The following WBP11 variants were observed in gnomAD, a reference collection of about 807,000 sequenced individuals.
WBP11 encodes WW domain-binding protein 11.
A neutral mutation model predicts 66.7 loss-of-function variants in WBP11; 12 were observed. The ratio of observed to expected loss-of-function variants is 0.18; its 90% confidence interval spans 0.12 to 0.29. The LOEUF is 0.29. Among genes scored for constraint, WBP11 ranks in the 10% least tolerant of loss-of-function variants. The pLI is 1.00. For synonymous variants in WBP11, 255 were observed against 273.8 expected (o/e 0.93, Z 0.68); for missense variants, 555 against 818.3 (o/e 0.68, Z 3.93).
intron 3 of WBP11, 82 bp from the exon 4 acceptor site, chr12:14,799,810 ATAAC>A (rs969707172): frequency 1.1e-5 from 14 of 1,321,582 alleles, no homozygotes; most frequent in Admixed American, 4.6e-5. Flanking sequence ...TCTAAACAGA[ATAAC>A]TCCTTGGCTT....
In WBP11 at chr12:14,794,629, TGAG is replaced by T; in HGVS notation, c.626_628del (p.Pro209del). On this transcript the variant is annotated inframe_deletion, in exon 7 of 12. Coordinates refer to ENST00000261167, the MANE Select transcript of WBP11 (RefSeq NM_016312.3). ...TTTACGGCCATACATCTGCACGACT[TGAG>T]GAGGAGGTGGACCAGGGGGAGGGCC... 3 of 1,613,838 alleles carry T rather than the reference TGAG, an allele frequency of 1.9e-6. No homozygotes were observed. The highest frequency in any genetic ancestry group is 2.2e-5 in the East Asian group (1 of 44,866).
intron 8 of WBP11, among the ~76,000 whole-genome samples, chr12:14,791,968 T>C (rs955020011): frequency 7.2e-5 from 11 of 151,942 alleles, no homozygotes; most frequent in African/African-American, 2.7e-4. Flanking sequence ...ACAATGGACT[T>C]TGGGGACTCA....
Position 14,784,784 on chromosome 12 carries a change from A to T in WBP11, c.*2281T>A. 6.6e-6 allele frequency: 1 copy of T among 152,304 alleles called. No homozygotes were observed. Among genetic ancestry groups the T allele is most frequent in the South Asian group, 2.1e-4 (1 of 4,826 alleles). 9.4% of individuals were successfully genotyped at this position (152,304 alleles called of 1,614,324 possible). A position where few individuals can be genotyped will look rare whatever the true frequency, so the allele number is the denominator to read the frequency against. Reference sequence around the variant, plus strand: ...AGGAAATAGTAACAAGTCTATCCATATACATGATTAAAGATTTCTATCATT... The same window carrying T: ...AGGAAATAGTAACAAGTCTATCCATTTACATGATTAAAGATTTCTATCATT... On this transcript the variant is annotated 3_prime_UTR_variant, in exon 12 of 12. Coordinates refer to ENST00000261167, the MANE Select transcript of WBP11 (RefSeq NM_016312.3).
Position 14,789,071 on chromosome 12 carries a change from A to G in WBP11, c.1372T>C (p.Leu458=). 11 of 1,517,426 alleles carry G rather than the reference A, an allele frequency of 7.2e-6. No homozygotes were observed. The highest frequency in any genetic ancestry group is 8.7e-6 in the Non-Finnish European group (10 of 1,146,390). 94.0% of individuals were successfully genotyped at this position (1,517,426 alleles called of 1,614,324 possible). A position where few individuals can be genotyped will look rare whatever the true frequency, so the allele number is the denominator to read the frequency against. Residue 458 remains leucine, a synonymous_variant, in exon 11 of 12, where the codon TTA becomes CTA. Transcript: ENST00000261167. ...CGGCCTGGTGGTGGTCCTGGAGGTA[A>G]AAGTCGGGGTAAGGGCCCTCGGAGT... ...PGLRGPLPRL[L]PPGPPPGRPP... is the part of the protein sequence containing the mutation.
chr12:14,800,839 T>G lies in WBP11; in HGVS notation c.65-56A>C, dbSNP rs1401151231. ...ATCTTTGAATCTTGAACATTAGCAT[T>G]TCCTCCAATTTAATACAGGTAATTC... is the stretch of plus-strand genomic sequence containing the variant. On this transcript the variant is annotated intron_variant, in intron 2 of 11. Transcript: ENST00000261167. 33 of 1,431,394 alleles carry G rather than the reference T, an allele frequency of 2.3e-5. 1 individual carries two copies. The South Asian group carries it at 3.7e-4, about 16-fold the overall frequency. 88.7% of individuals were successfully genotyped at this position (1,431,394 alleles called of 1,614,324 possible). A position where few individuals can be genotyped will look rare whatever the true frequency, so the allele number is the denominator to read the frequency against.
chr12:14,789,283 T>G, intron 10 of WBP11, 150 bp from the exon 11 acceptor site: 1 of 789,386 alleles, frequency 1.3e-6, no homozygotes, highest in East Asian at 3.3e-5. Flanking sequence ...ACAGAATTCA[T>G]TCAATAAATA....
In WBP11 at chr12:14,784,986, T is replaced by G. The variant is rs1364401597; in HGVS notation, c.*2079A>C. ...ATACTAGCAATATAAGGAAATGCCT[T>G]TATGATAAACTATCAACAGCTTTCT... is the stretch of plus-strand genomic sequence containing the variant. On this transcript the variant is annotated 3_prime_UTR_variant, in exon 12 of 12. Coordinates refer to ENST00000261167, the MANE Select transcript of WBP11 (RefSeq NM_016312.3). 6.6e-6 allele frequency: 1 copy of G among 152,232 alleles called. No homozygotes were observed. Among genetic ancestry groups the G allele is most frequent in the African/African-American group, 2.4e-5 (1 of 41,454 alleles). 9.4% of individuals were successfully genotyped at this position (152,232 alleles called of 1,614,324 possible).
chr12:14,801,551 C>T, intron 1 of WBP11, 123 bp from the exon 2 acceptor site: 1 of 592,468 alleles, frequency 1.7e-6, no homozygotes, highest in Non-Finnish European at 2.9e-6. Context: ...CTGTTCTTTC[C>T]TTAGTTTTGA....
chr12:14,787,056 C>T lies in WBP11; in HGVS notation c.*9G>A, dbSNP rs776277020. 1 of 1,606,346 alleles carries T rather than the reference C, an allele frequency of 6.2e-7. No homozygotes were observed. The highest frequency in any genetic ancestry group is 1.7e-5 in the Admixed American group (1 of 59,694). ...TGTGAACAGAAGCCTTTTCTGGCAT[C>T]AAAAGCTGTCACAGTAGCCCTTCCA... On this transcript the variant is annotated 3_prime_UTR_variant, in exon 12 of 12. Transcript: ENST00000261167.
intron 8 of WBP11, 102 bp from the exon 9 acceptor site, chr12:14,791,372 T>TAC (rs1161123914): frequency 2.3e-6 from 2 of 860,968 alleles, no homozygotes; most frequent in African/African-American, 3.4e-5. Flanking sequence ...TGCTACCCAC[T>TAC]ACTTGGCAGA....
rs1949853898 is a variant in WBP11 at position 14,793,844 on chromosome 12, T to C, written c.800A>G (p.His267Arg). ...GYPEDMDQDK[H>R]DDSTDDSDTD... Reference sequence around the variant, plus strand: ...GTCACTGTCATCAGTACTGTCATCATGCTTATCTTGATCCATGTCCTCAGG... The same window carrying C: ...GTCACTGTCATCAGTACTGTCATCACGCTTATCTTGATCCATGTCCTCAGG... The change falls in exon 8 of 12, where the codon CAT becomes CGT. Residue 267 changes from histidine (H) to arginine (R), a missense_variant. Coordinates refer to ENST00000261167, the MANE Select transcript of WBP11 (RefSeq NM_016312.3). 6.2e-7 allele frequency: 1 copy of C among 1,614,020 alleles called. No homozygotes were observed. Among genetic ancestry groups the C allele is most frequent in the African/African-American group, 1.3e-5 (1 of 74,902 alleles).
intron 2 of WBP11, chr12:14,801,050 C>T (rs1057071641): frequency 3.7e-5 from 17 of 456,304 alleles, no homozygotes; most frequent in Middle Eastern, 5.7e-4. Context: ...AACAAGGGCT[C>T]GCAAAACTAA....
In WBP11 at chr12:14,787,251, G is replaced by A; in HGVS notation, c.1740C>T (p.Pro580=). 1 of 1,614,182 alleles carries A rather than the reference G, an allele frequency of 6.2e-7. No individual in the cohort carries two copies. Among genetic ancestry groups the A allele is most frequent in the Non-Finnish European group, 8.5e-7 (1 of 1,180,042 alleles). The change falls in exon 12 of 12, where the codon CCC becomes CCT. Residue 580 remains proline, a synonymous_variant. Coordinates refer to ENST00000261167, the MANE Select transcript of WBP11 (RefSeq NM_016312.3). ...NPKAEITRFV[P]TALRVRRENK... ...TCTCCCGACGTACTCTCAGTGCAGT[G>A]GGCACAAATCGAGTAATCTCTGCCT...
rs760099538 is a variant in WBP11, at chr12:14,790,564, GAGA to G, written c.1198_1200del (p.Ser400del). On this transcript the variant is annotated inframe_deletion, in exon 10 of 12. Coordinates refer to ENST00000261167, the MANE Select transcript of WBP11 (RefSeq NM_016312.3). ...CCTGGCATGGGAGGTGCTTGTATCT[GAGA>G]AGGAGGAACAGACTGCGGCGGAGCC... The G allele has an allele frequency of 1.6e-5, 26 of 1,613,890 alleles. No individual in the cohort carries two copies. Among genetic ancestry groups the G allele is most frequent in the South Asian group, 7.7e-5 (7 of 91,080 alleles).
intron 1 of WBP11, among the ~76,000 whole-genome samples, chr12:14,802,665 G>A (rs1221510578): frequency 6.7e-6 from 1 of 149,746 alleles, no homozygotes; most frequent in East Asian, 2.0e-4. Flanking sequence ...ACCCTGTCAA[G>A]TGGTTTCCTT....
intron 4 of WBP11, among the ~76,000 whole-genome samples, chr12:14,797,462 G>C (rs1949907064): frequency 2.0e-5 from 3 of 152,156 alleles, no homozygotes; most frequent in Admixed American, 2.0e-4. Flanking sequence ...AATATCCAGT[G>C]GTGTTTGACT....
chr12:14,785,645 C>CCAT lies in WBP11; in HGVS notation c.*1417_*1419dup, dbSNP rs1949745600. 6.6e-6 allele frequency: 1 copy of CCAT among 152,148 alleles called. No homozygotes were observed. Among genetic ancestry groups the CCAT allele is most frequent in the Non-Finnish European group, 1.5e-5 (1 of 68,020 alleles). 9.4% of individuals were successfully genotyped at this position (152,148 alleles called of 1,614,324 possible). ...AGATCTTGAATAAAAATCTAAAAATCCATCAACTCAACTCTAAGAAAATAA... is the reference window on the plus strand; with the variant it reads ...AGATCTTGAATAAAAATCTAAAAATCCATCATCAACTCAACTCTAAGAAAATAA... On this transcript the variant is annotated 3_prime_UTR_variant, in exon 12 of 12. Transcript: ENST00000261167.
chr12:14,787,378 G>A lies in WBP11; in HGVS notation c.1613C>T (p.Pro538Leu). ...CGCCTTGGGTCGCTGAATCAAGTTG[G>A]GTGGGGCACTTAAAACCCCAGGGTT... ...LPNPGVLSAPPNLIQRPKADD... is the reference protein window; with the variant it reads ...LPNPGVLSAPLNLIQRPKADD... Residue 538 changes from proline to leucine, a missense_variant, in exon 12 of 12, where the codon CCC (proline) becomes CTC (leucine). Pro to Leu is a moderately conservative substitution (Grantham distance 98). Transcript: ENST00000261167. The A allele has an allele frequency of 6.2e-7, 1 of 1,601,710 alleles. No individual in the cohort carries two copies. The highest frequency in any genetic ancestry group is 8.5e-7 in the Non-Finnish European group (1 of 1,171,708).
rs377380618 is a variant in WBP11, at chr12:14,801,396, T to C, written c.-13A>G. ...ATCTCCGTCCCATGTTGACAATTTG[T>C]ATGGTTTACTTGTTCATTAAAAAAA... On this transcript the variant is annotated 5_prime_UTR_variant, in exon 2 of 12. In the 5' UTR this introduces an upstream ATG that the reference lacks. Transcript: ENST00000261167. 1 of 1,610,474 alleles carries C rather than the reference T, an allele frequency of 6.2e-7. No individual in the cohort carries two copies. Among genetic ancestry groups the C allele is most frequent in the Non-Finnish European group, 8.5e-7 (1 of 1,178,640 alleles).
Sources: allele counts gnomAD v4.1 joint callset (sites outside exome capture counted in the v4.1 genomes callset), GRCh38; gene constraint gnomAD v4.1.1; transcripts MANE v1.5; gene names NCBI Gene and HGNC (gene_info 2026-07-23, HGNC 2026-07-21).